Variants in RAD21 observed in about 807,000 individuals in gnomAD.
The protein encoded by RAD21 is double-strand-break repair protein rad21 homolog.
RAD21 carries 18 observed loss-of-function variants against 71.5 expected under a neutral mutation model. The ratio of observed to expected loss-of-function variants is 0.25; its 90% CI spans 0.17 to 0.37. The LOEUF is 0.37. Ranked by LOEUF, RAD21 falls within the 10% of genes least tolerant of loss-of-function variation. RAD21 has a pLI of 1.00. For missense variants in RAD21, 493 were observed against 769.1 expected (o/e 0.64, Z 4.25); for synonymous variants, 248 against 254.0 (o/e 0.98, Z 0.22).
chr8:116,870,367 T>A (rs1020119323), intron 1 of RAD21, among the ~76,000 whole-genome samples: 8 of 152,080 alleles, frequency 5.3e-5, no homozygotes, highest in African/African-American at 1.9e-4. Context: ...TGTTTATTTT[T>A]TAAAAAAAAG....
intron 9 of RAD21, 37 bp downstream of exon 9, chr8:116,854,208 A>C (rs1418934025): frequency 1.4e-6 from 2 of 1,473,694 alleles, no homozygotes; most frequent in East Asian, 2.3e-5. Context: ...AGATGCTCAA[A>C]ATGTATATGA....
chr8:116,868,256 T>A (rs1812738002), intron 1 of RAD21, among the ~76,000 whole-genome samples: 1 of 152,236 alleles, frequency 6.6e-6, no homozygotes, highest in Non-Finnish European at 1.5e-5. Flanking sequence ...ATATGGTATG[T>A]GACTTCTTGA....
rs3020133 is a variant in RAD21, at chr8:116,847,931, A to G, written c.1705-240T>C. Among the ~76,000 whole-genome samples, 18,682 of 152,156 alleles carry G rather than the reference A, an allele frequency of 0.12. 2,600 individuals are homozygous for G. The highest frequency in any genetic ancestry group is 0.34 in the African/African-American group (14,155 of 41,442). ...TGAATTCTTGCTCGTTAGTTAACACAAGAGCTGCTTGTTTAAAAGCGCCTA... is the reference window on the plus strand; with the variant it reads ...TGAATTCTTGCTCGTTAGTTAACACGAGAGCTGCTTGTTTAAAAGCGCCTA... On this transcript the variant is annotated intron_variant, in intron 13 of 13. Coordinates refer to ENST00000297338, the MANE Select transcript of RAD21 (RefSeq NM_006265.3).
rs141798668 is a variant in RAD21, at chr8:116,856,719, G to T, written c.741C>A (p.Ala247=). ...GCAACATCACCCCTGCCTCAGAGAG[G>T]GCAGGGGGATCATCAAAGATACCGC... ...NDGGIFDDPP[A]LSEAGVMLPE... is the part of the protein sequence containing the mutation. The change falls in exon 7 of 14, where the codon GCC becomes GCA. Residue 247 remains alanine (A), a synonymous_variant. Transcript: ENST00000297338. 9.5e-6 allele frequency: 15 copies of T among 1,577,164 alleles called. No individual in the cohort carries two copies. Among genetic ancestry groups the T allele is most frequent in the Non-Finnish European group, 8.6e-6 (10 of 1,160,294 alleles).
At position 116,852,811 on chromosome 8, in the gene RAD21, G is replaced by C. The variant is rs371205028; in HGVS notation, c.1162-103C>G. The C allele has an allele frequency of 4.8e-5, 40 of 831,716 alleles. No homozygotes were observed. In the East Asian group the frequency reaches 8.6e-4, roughly 18 times the overall value. The allele number at this position is 831,716 out of a possible 1,614,324, so 51.5% of individuals were successfully genotyped here. On this transcript the variant is annotated intron_variant, in intron 9 of 13. Transcript: ENST00000297338. ...CAAAGGTATGTTCTAATAAATATAA[G>C]TGTATAATTTAGCATGGCTTTTATC...
At chr8:116,858,525 CTCTA>C in intron 4 of RAD21, 67 bp from the exon 5 acceptor site, 1 of 1,296,266 alleles carries the variant, frequency 7.7e-7, no homozygotes, top group South Asian at 1.3e-5. Context: ...TCCCAATTCT[CTCTA>C]TAAGAAAAAT....
chr8:116,857,656 T>C (rs1812498175), intron 5 of RAD21, among the ~76,000 whole-genome samples, 183 bp from the exon 6 acceptor site: 2 of 152,224 alleles, frequency 1.3e-5, no homozygotes, highest in South Asian at 4.1e-4. Flanking sequence ...ATGACTCAAT[T>C]ACACACAGTT....
At position 116,850,622 on chromosome 8, in the gene RAD21, T is replaced by C; in HGVS notation, c.1616A>G (p.Glu539Gly). ...KEKEKEDDEE[E>G]EDEDASGGDQ... ...GAAAATTATTAATTAGTTTACCTCT[T>C]CCTCTTCATCATCTTCTTTTTCCTT... Residue 539 changes from glutamate (E) to glycine (G), a missense_variant, in exon 12 of 14, where the codon GAA becomes GGA. Coordinates refer to ENST00000297338, the MANE Select transcript of RAD21 (RefSeq NM_006265.3). 6.2e-7 allele frequency: 1 copy of C among 1,609,426 alleles called. No homozygotes were observed. The highest frequency in any genetic ancestry group is 2.2e-5 in the East Asian group (1 of 44,806).
intron 3 of RAD21, 76 bp from the exon 4 acceptor site, chr8:116,862,016 T>C: frequency 8.9e-7 from 1 of 1,125,212 alleles, no homozygotes; most frequent in Non-Finnish European, 1.3e-6. Flanking sequence ...TAAGTAGGTA[T>C]AACTTCCTAA....
At chr8:116,870,861 T>C (rs1005313732) in intron 1 of RAD21, among the ~76,000 whole-genome samples, 20 of 152,204 alleles carry the variant, frequency 1.3e-4, no homozygotes, top group Non-Finnish European at 2.9e-4. Context: ...TTAGACGTTT[T>C]AAAAATTAAA....
In RAD21 at chr8:116,850,684, C is replaced by G. The variant is rs1234141629; in HGVS notation, c.1554G>C (p.Glu518Asp). 6.2e-7 allele frequency: 1 copy of G among 1,613,230 alleles called. No homozygotes were observed. Among genetic ancestry groups the G allele is most frequent in the South Asian group, 1.1e-5 (1 of 91,044 alleles). ...EPPNICQLIP[E>D]LELLPEKEKE... is the part of the protein sequence containing the mutation. ...TCTCTTTTTCTGGCAGAAGTTCTAACTCTGGTATTAGCTGACAGATATTTG... is the reference window on the plus strand; with the variant it reads ...TCTCTTTTTCTGGCAGAAGTTCTAAGTCTGGTATTAGCTGACAGATATTTG... The change falls in exon 12 of 14, where the codon GAG becomes GAC. Residue 518 changes from glutamate to aspartate, a missense_variant. By Grantham distance (45) the Glu-to-Asp change is conservative. Around this residue, in one of 5 missense-constraint regions of RAD21, gnomAD observed 225 missense variants for 218.3 expected, o/e 1.03. Transcript: ENST00000297338.
Position 116,874,595 on chromosome 8 carries a change from C to G in RAD21, c.-33+16G>C, listed in dbSNP as rs1024176584. On this transcript the variant is annotated intron_variant, in intron 1 of 13. Transcript: ENST00000297338. ...AGGGAGCTGGAGGAAAAGAAGGGGT[C>G]GGCCGAGTCTCTTACCTTGCTCTCC... is the stretch of plus-strand genomic sequence containing the variant. 1.5e-5 allele frequency: 5 copies of G among 330,746 alleles called. No homozygotes were observed. Among genetic ancestry groups the G allele is most frequent in the Non-Finnish European group, 2.9e-5 (5 of 169,658 alleles). 20.5% of individuals were successfully genotyped at this position (330,746 alleles called of 1,614,324 possible).
In RAD21 at chr8:116,874,686, G is replaced by C. The variant is rs1812934522; in HGVS notation, c.-108C>G. ...AGGGTCGGGGGAGGGGGTGGGGAAA[G>C]GGGGGAGCCCTTGCGAGGTGTAGCT... is the stretch of plus-strand genomic sequence containing the variant. On this transcript the variant is annotated 5_prime_UTR_variant, in exon 1 of 14. Transcript: ENST00000297338. 2 of 408,680 alleles carry C rather than the reference G, an allele frequency of 4.9e-6. No individual in the cohort carries two copies. The highest frequency in any genetic ancestry group is 1.3e-3 in the Middle Eastern group (2 of 1,574). 25.3% of individuals were successfully genotyped at this position (408,680 alleles called of 1,614,324 possible). A position where few individuals can be genotyped will look rare whatever the true frequency, so the allele number is the denominator to read the frequency against.
At chr8:116,873,079 G>A (rs1258855071) in intron 1 of RAD21, among the ~76,000 whole-genome samples, 1 of 152,198 alleles carries the variant, frequency 6.6e-6, no homozygotes, top group East Asian at 1.9e-4. Context: ...CAATCTTGCA[G>A]CAAAACATTA....
At chr8:116,871,457 G>C (rs1162935198) in intron 1 of RAD21, among the ~76,000 whole-genome samples, 1 of 152,160 alleles carries the variant, frequency 6.6e-6, no homozygotes, top group Non-Finnish European at 1.5e-5. Flanking sequence ...GGCAATTTAA[G>C]ACTGTTTCAA....
At chr8:116,851,880 T>A in intron 11 of RAD21, 68 bp downstream of exon 11, 3 of 1,497,770 alleles carry the variant, frequency 2.0e-6, no homozygotes, top group East Asian at 2.3e-5. Context: ...AAGGCCTCCC[T>A]AAATACCACT....
chr8:116,861,783 T>C, intron 4 of RAD21, 58 bp downstream of exon 4: 1 of 1,258,540 alleles, frequency 7.9e-7, no homozygotes, highest in Non-Finnish European at 1.2e-6. Flanking sequence ...ATTTGGAAGC[T>C]AATACTACTG....
chr8:116,848,040 C>G (rs1812280353), intron 13 of RAD21, among the ~76,000 whole-genome samples: 1 of 152,196 alleles, frequency 6.6e-6, no homozygotes, highest in South Asian at 2.1e-4. Flanking sequence ...TTTCTGAGGC[C>G]TCACCAGAAG....
Position 116,857,488 on chromosome 8 carries a change from ATT to A in RAD21, c.482-17_482-16del. ...TCCAAAATCACCTAAACAAATTTTA[ATT>A]TGTCATTAGTTTAGAAAGATTAGAA... On this transcript the variant is annotated splice_polypyrimidine_tract_variant and intron_variant, in intron 5 of 13. Coordinates refer to ENST00000297338, the MANE Select transcript of RAD21 (RefSeq NM_006265.3). 9 of 1,600,942 alleles carry A rather than the reference ATT, an allele frequency of 5.6e-6. No individual in the cohort carries two copies. Among genetic ancestry groups the A allele is most frequent in the Non-Finnish European group, 6.8e-6 (8 of 1,170,034 alleles).
Sources: gnomAD v4.1 joint callset for allele counts (sites outside exome capture counted in the v4.1 genomes callset) on GRCh38, gnomAD v4.1.1 for gene constraint, gnomAD v4.1.1 regional missense constraint, MANE v1.5 for transcripts, NCBI Gene and HGNC (gene_info 2026-07-23, HGNC 2026-07-21) for gene names.